Variants in GALNT10 observed in about 807,000 individuals in gnomAD.
The protein encoded by GALNT10 is GalNAc transferase 10.
Under a neutral mutation model 75.0 loss-of-function variants are expected in GALNT10, and 41 were observed. That is an observed-to-expected ratio of 0.55 (90% CI 0.43 to 0.71). GALNT10 has a LOEUF of 0.71. Among genes scored for constraint, GALNT10 ranks in the 30% least tolerant of loss-of-function variants. The pLI is 0.00. For missense variants in GALNT10, 727 were observed against 818.5 expected (o/e 0.89, Z 1.36); for synonymous variants, 302 against 313.0 (o/e 0.96, Z 0.37).
intron 4 of GALNT10, among the ~76,000 whole-genome samples, chr5:154,342,399 CT>C (rs1755047835): frequency 6.6e-6 from 1 of 152,184 alleles, no homozygotes; most frequent in South Asian, 2.1e-4. Flanking sequence ...GCTCTTAACT[CT>C]TATCCTTATC....
Position 154,416,860 on chromosome 5 carries a change from G to A in GALNT10, c.1700G>A (p.Ser567Asn). Reference sequence around the variant, plus strand: ...GTCAGTGGCAGCTGCATGGACTGCAGTGAAAGTGACCATAGGATCTTCATG... The same window carrying A: ...GTCAGTGGCAGCTGCATGGACTGCAATGAAAGTGACCATAGGATCTTCATG... The part of the protein sequence containing the change: ...HPVSGSCMDC[S>N]ESDHRIFMNT... Residue 567 changes from serine to asparagine, a missense_variant, in exon 12 of 12, where the codon AGT becomes AAT. Coordinates refer to ENST00000297107, the MANE Select transcript of GALNT10 (RefSeq NM_198321.4). This position sits in a 1 kb window ranked among gnomAD's most constrained non-coding sequence, Gnocchi z 4.5. 6.2e-7 allele frequency: 1 copy of A among 1,613,354 alleles called. No homozygotes were observed. Among genetic ancestry groups the A allele is most frequent in the Non-Finnish European group, 8.5e-7 (1 of 1,179,220 alleles).
rs1176101940 is a variant in GALNT10 at position 154,409,165 on chromosome 5, C to A, written c.1165-376C>A. Among the ~76,000 whole-genome samples the A allele has an allele frequency of 6.6e-6, 1 of 152,196 alleles. No individual in the cohort carries two copies. Among genetic ancestry groups the A allele is most frequent in the Non-Finnish European group, 1.5e-5 (1 of 68,036 alleles). ...GGGAATGGGTCTGCTGTTTGACCAG[C>A]CCCTGCACCGGGGGCGCCTGTATTC... On this transcript the variant is annotated intron_variant, in intron 8 of 11. Coordinates refer to ENST00000297107, the MANE Select transcript of GALNT10 (RefSeq NM_198321.4). This position sits in a 1 kb window ranked among gnomAD's most constrained non-coding sequence, Gnocchi z 4.5.
At chr5:154,197,541 T>C (rs1380251168) in intron 1 of GALNT10, among the ~76,000 whole-genome samples, 1 of 152,122 alleles carries the variant, frequency 6.6e-6, no homozygotes, top group Non-Finnish European at 1.5e-5. Context: ...CTCTGCTGAG[T>C]GTAGATAGGA....
intron 1 of GALNT10, among the ~76,000 whole-genome samples, chr5:154,242,264 G>A (rs988023): frequency 0.62 from 93,850 of 151,970 alleles, 29,957 homozygotes; most frequent in East Asian, 0.86. Context: ...AGGGTTCCCT[G>A]CAGGACAGCC....
At chr5:154,335,064 C>T (rs17115951) in intron 4 of GALNT10, among the ~76,000 whole-genome samples, 12,077 of 152,266 alleles carry the variant, frequency 0.079, 524 homozygotes, top group Middle Eastern at 0.18. Context: ...CTCCAGCAGC[C>T]TTAGTTTGCT....
chr5:154,364,522 G>A (rs1449470126), intron 4 of GALNT10, among the ~76,000 whole-genome samples: 3 of 152,220 alleles, frequency 2.0e-5, no homozygotes, highest in Middle Eastern at 3.4e-3. Flanking sequence ...GCATGGGGAG[G>A]GGGCAGTGGT....
At chr5:154,380,360 A>G in intron 5 of GALNT10, 88 bp from the exon 6 acceptor site, 1 of 1,074,068 alleles carries the variant, frequency 9.3e-7, no homozygotes, top group Non-Finnish European at 1.4e-6. Flanking sequence ...AGAGATGTTA[A>G]AAATACAAGT....
intron 1 of GALNT10, among the ~76,000 whole-genome samples, chr5:154,191,993 C>CA (rs1774867189): frequency 6.6e-6 from 1 of 152,244 alleles, no homozygotes; most frequent in Non-Finnish European, 1.5e-5. Context: ...CCCACCCTCC[C>CA]AGGAGGTGCT....
At chr5:154,386,530 C>G (rs1301527808) in intron 7 of GALNT10, 100 bp downstream of exon 7, 1 of 809,682 alleles carries the variant, frequency 1.2e-6, no homozygotes, top group African/African-American at 1.7e-5. Context: ...AGACTGGAGG[C>G]CTCAGGGTTC....
At chr5:154,193,585 C>T (rs2113637285) in intron 1 of GALNT10, among the ~76,000 whole-genome samples, 1 of 152,358 alleles carries the variant, frequency 6.6e-6, no homozygotes, top group South Asian at 2.1e-4. Flanking sequence ...TGTTGAGAAT[C>T]ATCTTTGAGC....
At chr5:154,247,213 C>A (rs1239305372) in intron 1 of GALNT10, among the ~76,000 whole-genome samples, 1 of 152,128 alleles carries the variant, frequency 6.6e-6, no homozygotes, top group Non-Finnish European at 1.5e-5. Flanking sequence ...GTTACTGTAG[C>A]CTTGTAGTAT....
Position 154,420,055 on chromosome 5 carries a change from CACGCACGTGTGTGA to C in GALNT10, c.*3085_*3098del, listed in dbSNP as rs1404120144. The C allele has an allele frequency of 4.6e-5, 7 of 152,234 alleles. No homozygotes were observed. The highest frequency in any genetic ancestry group is 4.6e-4 in the Admixed American group (7 of 15,288). The allele number at this position is 152,234 out of a possible 1,614,324, so 9.4% of individuals were successfully genotyped here. On this transcript the variant is annotated 3_prime_UTR_variant, in exon 12 of 12. Coordinates refer to ENST00000297107, the MANE Select transcript of GALNT10 (RefSeq NM_198321.4). ...AGGCCTTTGGAGGTGGCTAAACTTG[CACGCACGTGTGTGA>C]AAAGCCATCCCATCTTCTGCCTCCA...
chr5:154,347,895 C>A (rs1035560712), intron 4 of GALNT10, among the ~76,000 whole-genome samples: 1 of 152,218 alleles, frequency 6.6e-6, no homozygotes, highest in Non-Finnish European at 1.5e-5. Flanking sequence ...TCTTTCCCTT[C>A]AACCTTCATG....
chr5:154,402,578 T>C lies in GALNT10; in HGVS notation c.1057-1526T>C, dbSNP rs1756191245. Among the ~76,000 whole-genome samples, 2 of 152,184 alleles carry C rather than the reference T, an allele frequency of 1.3e-5. No individual in the cohort carries two copies. Among genetic ancestry groups the C allele is most frequent in the South Asian group, 4.1e-4 (2 of 4,830 alleles). On this transcript the variant is annotated intron_variant, in intron 7 of 11. Coordinates refer to ENST00000297107, the MANE Select transcript of GALNT10 (RefSeq NM_198321.4). The surrounding 1 kb of genome is among the most constrained non-coding windows in gnomAD (Gnocchi z 4.2). The stretch of plus-strand genomic sequence containing the variant: ...AATACACAGTTATGATGGCAGCGCT[T>C]CCCTAGGCCAGGGATTTGGGAGTGG...
intron 1 of GALNT10, among the ~76,000 whole-genome samples, chr5:154,215,437 G>A (rs757571337): frequency 6.6e-6 from 1 of 151,998 alleles, no homozygotes; most frequent in African/African-American, 2.4e-5. Context: ...AGCCGAGATG[G>A]CGCCACTGCA....
chr5:154,387,228 A>G (rs573135892), intron 7 of GALNT10: 3 of 152,344 alleles, frequency 2.0e-5, no homozygotes, highest in Admixed American at 6.5e-5. Context: ...TAGTTAACTA[A>G]TAACTAATTA....
chr5:154,284,522 T>A (rs1754085737), intron 1 of GALNT10, among the ~76,000 whole-genome samples: 1 of 152,200 alleles, frequency 6.6e-6, no homozygotes, highest in Admixed American at 6.5e-5. Flanking sequence ...AGCTTTCCAG[T>A]TCCTTTTTTT....
intron 7 of GALNT10, among the ~76,000 whole-genome samples, chr5:154,390,476 G>A (rs1755877229): frequency 6.6e-6 from 1 of 152,186 alleles, no homozygotes; most frequent in Non-Finnish European, 1.5e-5. Context: ...CTACGTTGGA[G>A]GAGTCTGAGA....
At chr5:154,218,520 G>A (rs191557046) in intron 1 of GALNT10, among the ~76,000 whole-genome samples, 2 of 152,250 alleles carry the variant, frequency 1.3e-5, no homozygotes, top group South Asian at 2.1e-4. Flanking sequence ...AAGGTATGGC[G>A]ATCAAAGTGT....
Sources: allele counts gnomAD v4.1 joint callset (sites outside exome capture counted in the v4.1 genomes callset), GRCh38; gene constraint gnomAD v4.1.1; non-coding constraint Gnocchi (gnomAD v3.1); transcripts MANE v1.5; gene names NCBI Gene and HGNC (gene_info 2026-07-23, HGNC 2026-07-21).